The following PDE4D variants were observed in gnomAD, a reference collection of about 807,000 sequenced individuals.
The protein encoded by PDE4D is 3',5'-cyclic-AMP phosphodiesterase 4D.
PDE4D carries 24 observed loss-of-function variants against 87.4 expected under a neutral mutation model. That is an observed-to-expected ratio of 0.27 (90% confidence interval 0.20 to 0.39). The LOEUF (loss-of-function observed/expected upper bound fraction) is 0.39, where lower values mean the gene tolerates loss of function less well. Among genes scored for constraint, PDE4D ranks in the 10% least tolerant of loss-of-function variants. PDE4D has a pLI of 1.00. For synonymous variants in PDE4D, 384 were observed against 383.2 expected (o/e 1.00, Z -0.02); for missense variants, 714 against 1,041.0 (o/e 0.69, Z 4.32).
chr5:60,067,294 T>C (rs992384313), intron 2 of PDE4D, among the ~76,000 whole-genome samples: 3 of 152,100 alleles, frequency 2.0e-5, no homozygotes, highest in Non-Finnish European at 4.4e-5. Flanking sequence ...AAGATTGGAC[T>C]GGCCCAGACA....
intron 1 of PDE4D, among the ~76,000 whole-genome samples, chr5:60,456,224 A>C (rs942385987): frequency 1.3e-5 from 2 of 152,118 alleles, no homozygotes; most frequent in Admixed American, 6.6e-5. Context: ...TAGAAGAGGG[A>C]ATGGGGTGCT....
At chr5:59,264,512 T>C (rs16889499) in intron 1 of PDE4D, among the ~76,000 whole-genome samples, 41,542 of 151,822 alleles carry the variant, frequency 0.27, 6,140 homozygotes, top group Admixed American at 0.37. Context: ...GTGTGTTTTA[T>C]ATTACCCTAG....
At chr5:59,726,319 T>G (rs192185854) in intron 1 of PDE4D, among the ~76,000 whole-genome samples, 1 of 152,272 alleles carries the variant, frequency 6.6e-6, no homozygotes, top group East Asian at 1.9e-4. Context: ...AGATACTCAT[T>G]GCTATGCACT....
intron 1 of PDE4D, among the ~76,000 whole-genome samples, chr5:59,500,059 T>C (rs561008188): frequency 6.6e-5 from 10 of 152,104 alleles, no homozygotes; most frequent in African/African-American, 1.9e-4. Context: ...TGAGATACTA[T>C]CTCACACCAC....
At chr5:60,228,374 A>G (rs910877143) in intron 1 of PDE4D, among the ~76,000 whole-genome samples, 1 of 152,142 alleles carries the variant, frequency 6.6e-6, no homozygotes, top group African/African-American at 2.4e-5. Flanking sequence ...ACTAGGTCTA[A>G]CTAAATCCAT....
At chr5:59,847,616 T>C (rs1232733691) in intron 1 of PDE4D, among the ~76,000 whole-genome samples, 1 of 152,112 alleles carries the variant, frequency 6.6e-6, no homozygotes, top group Non-Finnish European at 1.5e-5. Flanking sequence ...CTACTTTTCT[T>C]CCTGAAGTGT....
At chr5:59,142,667 T>A (rs1205053009) in intron 5 of PDE4D, among the ~76,000 whole-genome samples, 1 of 152,250 alleles carries the variant, frequency 6.6e-6, no homozygotes, top group Admixed American at 6.5e-5. Context: ...CTGGTCACAG[T>A]GGCTCATGCC....
chr5:60,285,272 G>A (rs185662489), intron 1 of PDE4D, among the ~76,000 whole-genome samples: 27 of 152,098 alleles, frequency 1.8e-4, no homozygotes, highest in Admixed American at 1.6e-3. Flanking sequence ...CGCCACAAAG[G>A]GGACCTGAAG....
chr5:59,970,009 C>T (rs1250411139), intron 3 of PDE4D, among the ~76,000 whole-genome samples: 1 of 152,192 alleles, frequency 6.6e-6, no homozygotes, highest in African/African-American at 2.4e-5. Flanking sequence ...TTCTGGAGAA[C>T]AAGGACACCT....
At chr5:59,047,630 G>A (rs770085612) in intron 5 of PDE4D, among the ~76,000 whole-genome samples, 1 of 152,218 alleles carries the variant, frequency 6.6e-6, no homozygotes, top group Non-Finnish European at 1.5e-5. Flanking sequence ...AGGAGAAGCT[G>A]CAGAAAGTTA....
chr5:60,126,382 A>C (rs1422589885), intron 2 of PDE4D, among the ~76,000 whole-genome samples: 5 of 152,146 alleles, frequency 3.3e-5, no homozygotes, highest in Non-Finnish European at 1.5e-5. Flanking sequence ...TTTTCATAGT[A>C]AGTGCTGAAG....
At chr5:59,158,903 T>A (rs556593691) in intron 5 of PDE4D, among the ~76,000 whole-genome samples, 1 of 152,146 alleles carries the variant, frequency 6.6e-6, no homozygotes, top group African/African-American at 2.4e-5. Context: ...TCTTTTGTAA[T>A]AGCAAACGGT....
chr5:59,318,004 G>A (rs1198450533), intron 1 of PDE4D, among the ~76,000 whole-genome samples: 2 of 152,128 alleles, frequency 1.3e-5, no homozygotes, highest in African/African-American at 4.8e-5. Context: ...TTGTTTGTCC[G>A]TGATCTTACT....
chr5:59,129,735 C>T (rs1776001494), intron 5 of PDE4D, among the ~76,000 whole-genome samples: 1 of 152,056 alleles, frequency 6.6e-6, no homozygotes, highest in Non-Finnish European at 1.5e-5. Flanking sequence ...ATTCTGGTCG[C>T]GAATGGTGAG....
At chr5:59,426,473 C>T (rs1397698546) in intron 1 of PDE4D, among the ~76,000 whole-genome samples, 2 of 151,978 alleles carry the variant, frequency 1.3e-5, no homozygotes, top group Non-Finnish European at 2.9e-5. Context: ...GCAAGCCTAC[C>T]TAAAGGATTT....
intron 1 of PDE4D, among the ~76,000 whole-genome samples, chr5:59,774,987 G>A (rs1763941608): frequency 6.6e-6 from 1 of 152,114 alleles, no homozygotes. Flanking sequence ...GAGCCACTGT[G>A]CCTGGCCTAT....
intron 1 of PDE4D, among the ~76,000 whole-genome samples, chr5:59,785,187 C>T (rs1765046685): frequency 6.6e-6 from 1 of 152,186 alleles, no homozygotes; most frequent in African/African-American, 2.4e-5. Context: ...TAGTTTATAA[C>T]TTAATCCACA....
rs147274683 is a variant in PDE4D at position 59,790,838 on chromosome 5, T to C, written c.455+102330A>G. 3.6e-3 allele frequency among the ~76,000 whole-genome samples: 547 copies of C among 152,330 alleles called. 4 individuals carry two copies. Among genetic ancestry groups the C allele is most frequent in the Non-Finnish European group, 6.2e-3 (421 of 68,024 alleles). ...AGATCACGAAAAACTTCCTGTCTAC[T>C]ACTATGTGTCCTGTTAAACCCAGGT... On this transcript the variant is annotated intron_variant, in intron 1 of 14. Coordinates refer to ENST00000340635, the MANE Select transcript of PDE4D (RefSeq NM_001104631.2).
At chr5:60,073,870 TA>T (rs1361992783) in intron 2 of PDE4D, among the ~76,000 whole-genome samples, 1 of 152,122 alleles carries the variant, frequency 6.6e-6, no homozygotes, top group Non-Finnish European at 1.5e-5. Flanking sequence ...GGGTCAGTGG[TA>T]ATTACTATCT....
Sources: allele counts gnomAD v4.1 joint callset (sites outside exome capture counted in the v4.1 genomes callset), GRCh38; gene constraint gnomAD v4.1.1; transcripts MANE v1.5; gene names NCBI Gene and HGNC (gene_info 2026-07-23, HGNC 2026-07-21).